The following EFCC1 variants were observed in gnomAD, a reference collection of about 807,000 sequenced individuals.
EFCC1 encodes the protein EF-hand and coiled-coil domain containing 1.
In EFCC1, 50 loss-of-function variants were observed where a neutral mutation model predicts 52.1. That is an observed-to-expected ratio of 0.96 (90% CI 0.76 to 1.21). EFCC1 has a LOEUF of 1.21. Among genes scored for constraint, EFCC1 ranks in the 50% most tolerant of loss-of-function variants. The pLI, the probability that EFCC1 is intolerant of heterozygous loss-of-function variation, is 0.00. For synonymous variants in EFCC1, 399 were observed against 396.5 expected, an observed-to-expected ratio of 1.01 and a Z score of -0.08; for missense variants, 837 against 867.3, an observed-to-expected ratio of 0.97 and a Z score of 0.44.
chr3:129,009,963 T>C (rs890555868), intron 2 of EFCC1, among the ~76,000 whole-genome samples: 1 of 152,208 alleles, frequency 6.6e-6, no homozygotes, highest in Non-Finnish European at 1.5e-5. Context: ...GTTCTGTCCG[T>C]AGCTGGGAGC....
intron 4 of EFCC1, 53 bp from the exon 5 acceptor site, chr3:129,034,111 A>C (rs1576783983): frequency 6.2e-7 from 1 of 1,609,906 alleles, no homozygotes; most frequent in East Asian, 2.2e-5. Flanking sequence ...GGCTGGACAG[A>C]GCGGGCTCTG....
At chr3:129,009,076 C>T (rs148183281) in intron 2 of EFCC1, among the ~76,000 whole-genome samples, 2 of 152,284 alleles carry the variant, frequency 1.3e-5, no homozygotes, top group East Asian at 3.9e-4. Flanking sequence ...TTGACATCAC[C>T]ATTCATAAAA....
chr3:129,006,282 TAGTC>T (rs747134018), intron 2 of EFCC1, among the ~76,000 whole-genome samples: 15 of 152,232 alleles, frequency 9.9e-5, no homozygotes, highest in Non-Finnish European at 1.6e-4. Context: ...CTAGTCCTGT[TAGTC>T]AGTCCCAAAC....
intron 2 of EFCC1, among the ~76,000 whole-genome samples, chr3:129,022,623 C>G (rs926043394): frequency 6.6e-6 from 1 of 152,172 alleles, no homozygotes; most frequent in African/African-American, 2.4e-5. Flanking sequence ...AACACCCAAC[C>G]GCACACAAGG....
intron 1 of EFCC1, among the ~76,000 whole-genome samples, chr3:129,003,028 C>T (rs1365066305): frequency 6.6e-6 from 1 of 152,202 alleles, no homozygotes; most frequent in Non-Finnish European, 1.5e-5. Flanking sequence ...AAGGGCAGTG[C>T]TGGGCCGCAG....
At position 129,010,124 on chromosome 3, in the gene EFCC1, TG is replaced by T. The variant is rs1302501267; in HGVS notation, c.980+6050del. On this transcript the variant is annotated intron_variant, in intron 2 of 7. Transcript: ENST00000683648. The surrounding 1 kb of genome is among the most constrained non-coding windows in gnomAD (Gnocchi z 4.3). Reference sequence around the variant, plus strand: ...AAACTGGAAGAAAGGGCGTAACGCCTGGGACTTCAGCACAAGGAGACCCCTA... The same window carrying T: ...AAACTGGAAGAAAGGGCGTAACGCCTGGACTTCAGCACAAGGAGACCCCTA... Among the ~76,000 whole-genome samples the T allele has an allele frequency of 6.6e-6, 1 of 152,248 alleles. No individual in the cohort carries two copies. The highest frequency in any genetic ancestry group is 1.5e-5 in the Non-Finnish European group (1 of 68,044).
chr3:129,031,471 A>G (rs1486024438), intron 3 of EFCC1, among the ~76,000 whole-genome samples: 1 of 152,208 alleles, frequency 6.6e-6, no homozygotes, highest in East Asian at 1.9e-4. Context: ...ATGGATGCCC[A>G]GGCCCACCCC....
rs1327364196 is a variant in EFCC1, at chr3:129,027,137, GAA to G, written c.981-3564_981-3563del. 1.4e-3 allele frequency among the ~76,000 whole-genome samples: 212 copies of G among 152,286 alleles called. 3 individuals are homozygous for G. Among genetic ancestry groups the G allele is most frequent in the African/African-American group, 4.5e-3 (187 of 41,534 alleles). On this transcript the variant is annotated intron_variant, in intron 2 of 7. Transcript: ENST00000683648. ...CCCTCAGGCAGTCAGCGAAACGCCG[GAA>G]ACGCCTGCAGACGCCTGCAGACGCT...
intron 2 of EFCC1, among the ~76,000 whole-genome samples, chr3:129,020,289 C>T (rs567539821): frequency 2.0e-5 from 3 of 152,120 alleles, no homozygotes; most frequent in Non-Finnish European, 2.9e-5. Context: ...GCACATACAT[C>T]CCTAATTTAG....
rs1340228855 is a variant in EFCC1 at position 129,014,686 on chromosome 3, C to T, written c.980+10609C>T. Among the ~76,000 whole-genome samples, 1 of 152,140 alleles carries T rather than the reference C, an allele frequency of 6.6e-6. No individual in the cohort carries two copies. Among genetic ancestry groups the T allele is most frequent in the Non-Finnish European group, 1.5e-5 (1 of 68,028 alleles). On this transcript the variant is annotated intron_variant, in intron 2 of 7. Coordinates refer to ENST00000683648, the MANE Select transcript of EFCC1 (RefSeq NM_001377500.1). The surrounding 1 kb of genome is among the most constrained non-coding windows in gnomAD (Gnocchi z 4.3). ...CACAGGAGACTTCTCTGAGATGTGA[C>T]CCTGGAATTGAGGCCTGAGTGGCAA...
At chr3:129,033,552 G>A (rs1286341253) in intron 4 of EFCC1, among the ~76,000 whole-genome samples, 2 of 152,210 alleles carry the variant, frequency 1.3e-5, no homozygotes, top group Non-Finnish European at 2.9e-5. Flanking sequence ...TGGGAACGCC[G>A]GTGGGGGCAA....
At chr3:129,018,487 T>G (rs1019746018) in intron 2 of EFCC1, among the ~76,000 whole-genome samples, 4 of 152,254 alleles carry the variant, frequency 2.6e-5, no homozygotes, top group Admixed American at 1.3e-4. Flanking sequence ...TTTACATATT[T>G]TCTGGGACTG....
intron 2 of EFCC1, among the ~76,000 whole-genome samples, chr3:129,030,168 T>A (rs1946242612): frequency 2.6e-5 from 4 of 151,972 alleles, no homozygotes. Context: ...CTGGGTGACA[T>A]AGAGACCCTA....
In EFCC1 at chr3:129,002,338, A is replaced by G. The variant is rs1458105046; in HGVS notation, c.696+14A>G. 1.3e-6 allele frequency: 2 copies of G among 1,512,106 alleles called. No individual in the cohort carries two copies. The highest frequency in any genetic ancestry group is 4.2e-5 in the Admixed American group (2 of 48,064). 93.7% of individuals were successfully genotyped at this position (1,512,106 alleles called of 1,614,324 possible). Reference sequence around the variant, plus strand: ...CTAGCACTGCAGGTGCGCGCCGGCCACGAAGGGAGGGTGGTAACGCCCGGG... The same window carrying G: ...CTAGCACTGCAGGTGCGCGCCGGCCGCGAAGGGAGGGTGGTAACGCCCGGG... On this transcript the variant is annotated intron_variant, in intron 1 of 7. Coordinates refer to ENST00000683648, the MANE Select transcript of EFCC1 (RefSeq NM_001377500.1).
chr3:129,003,339 C>A, intron 1 of EFCC1: 2 of 953,978 alleles, frequency 2.1e-6, no homozygotes, highest in Non-Finnish European at 2.5e-6. Flanking sequence ...GCTCTGGGAA[C>A]ACACCAGTAA....
At chr3:129,024,113 A>C (rs562129473) in intron 2 of EFCC1, among the ~76,000 whole-genome samples, 26 of 152,338 alleles carry the variant, frequency 1.7e-4, no homozygotes, top group African/African-American at 5.5e-4. Flanking sequence ...AGGAAATCCC[A>C]GTCTGGTGAG....
intron 6 of EFCC1, among the ~76,000 whole-genome samples, chr3:129,037,377 G>A (rs916083589): frequency 1.3e-5 from 2 of 152,166 alleles, no homozygotes; most frequent in African/African-American, 4.8e-5. Flanking sequence ...AAGGATAAAT[G>A]GAAGAAAGAC....
intron 2 of EFCC1, among the ~76,000 whole-genome samples, chr3:129,016,517 G>A (rs1945590226): frequency 6.6e-6 from 1 of 151,368 alleles, no homozygotes; most frequent in African/African-American, 2.4e-5. Context: ...TAGAGCCTCT[G>A]GGGAAGCCCA....
At chr3:129,007,248 C>G (rs977914703) in intron 2 of EFCC1, among the ~76,000 whole-genome samples, 17 of 152,196 alleles carry the variant, frequency 1.1e-4, no homozygotes, top group Non-Finnish European at 2.1e-4. Flanking sequence ...TCTGCTTTTG[C>G]TTTTCAAGTG....
Sources: gnomAD v4.1 joint callset for allele counts (sites outside exome capture counted in the v4.1 genomes callset) on GRCh38, gnomAD v4.1.1 for gene constraint, Gnocchi (gnomAD v3.1) non-coding constraint, MANE v1.5 for transcripts, NCBI Gene and HGNC (gene_info 2026-07-23, HGNC 2026-07-21) for gene names.